ADAP1: variants seen among roughly 807,000 people sequenced by gnomAD.
ADAP1 encodes arf-GAP with dual PH domain-containing protein 1.
ADAP1 carries 31 observed loss-of-function variants against 54.9 expected under a neutral mutation model. The ratio of observed to expected loss-of-function variants is 0.56; its 90% confidence interval spans 0.42 to 0.76. The LOEUF is 0.76. ADAP1 is among the 30% of genes least tolerant of loss of function. The pLI is 0.00. For synonymous variants in ADAP1, 313 were observed against 202.6 expected (o/e 1.55, Z -4.63); for missense variants, 535 against 512.4 (o/e 1.04, Z -0.42).
intron 1 of ADAP1, among the ~76,000 whole-genome samples, chr7:943,241 A>G (rs867978872): frequency 2.1e-3 from 42 of 20,166 alleles, no homozygotes; most frequent in South Asian, 5.1e-3. Flanking sequence ...AGGAAGGGAG[A>G]GAGGAGGAGG....
At chr7:925,791 G>A (rs534133396) in intron 3 of ADAP1, among the ~76,000 whole-genome samples, 2 of 152,378 alleles carry the variant, frequency 1.3e-5, no homozygotes, top group South Asian at 4.1e-4. Context: ...CGTGCTCGGG[G>A]TATCTCTGCG....
At chr7:917,400 G>A (rs978924221) in intron 4 of ADAP1, among the ~76,000 whole-genome samples, 1 of 152,054 alleles carries the variant, frequency 6.6e-6, no homozygotes, top group Non-Finnish European at 1.5e-5. Flanking sequence ...AGCACTGGGG[G>A]TCAGGGGCTT....
In ADAP1 at chr7:925,360, TTAA is replaced by T. The variant is rs1301859692; in HGVS notation, c.305+1190_305+1192del. On this transcript the variant is annotated intron_variant, in intron 3 of 10. Transcript: ENST00000265846. Reference sequence around the variant, plus strand: ...ATGTAGGGAGACCCCGTCTCTATATTTAAAAAAAAAAAAAAAAAAAAAAGGCCC... The same window carrying T: ...ATGTAGGGAGACCCCGTCTCTATATTAAAAAAAAAAAAAAAAAAAAGGCCC... Among the ~76,000 whole-genome samples, 613 of 73,494 alleles carry T rather than the reference TTAA, an allele frequency of 8.3e-3. 4 individuals are homozygous for T. The highest frequency in any genetic ancestry group is 0.033 in the African/African-American group (567 of 16,964). 48.2% of individuals were successfully genotyped at this position (73,494 alleles called of 152,430 possible). A position where few individuals can be genotyped will look rare whatever the true frequency, so the allele number is the denominator to read the frequency against.
chr7:898,903 G>A lies in ADAP1; in HGVS notation c.*18C>T, dbSNP rs552730090. 8 of 1,591,942 alleles carry A rather than the reference G, an allele frequency of 5.0e-6. No homozygotes were observed. In the East Asian group the frequency reaches 1.4e-4, roughly 28 times the overall value. Reference sequence around the variant, plus strand: ...AGCCACAGTGAGTCCAATGTCCGTGGTCCTCCAGCCGCACTCGCTAAGGTT... The same window carrying A: ...AGCCACAGTGAGTCCAATGTCCGTGATCCTCCAGCCGCACTCGCTAAGGTT... On this transcript the variant is annotated 3_prime_UTR_variant, in exon 11 of 11. Transcript: ENST00000265846.
At position 920,126 on chromosome 7, in the gene ADAP1, C is replaced by T; in HGVS notation, c.306-76G>A. The T allele has an allele frequency of 7.3e-7, 1 of 1,374,766 alleles. No homozygotes were observed. Among genetic ancestry groups the T allele is most frequent in the East Asian group, 2.4e-5 (1 of 42,078 alleles). The allele number at this position is 1,374,766 out of a possible 1,614,324, so 85.2% of individuals were successfully genotyped here. A position where few individuals can be genotyped will look rare whatever the true frequency, so the allele number is the denominator to read the frequency against. On this transcript the variant is annotated intron_variant, in intron 3 of 10. Coordinates refer to ENST00000265846, the MANE Select transcript of ADAP1 (RefSeq NM_006869.4). This position sits in a 1 kb window ranked among gnomAD's most constrained non-coding sequence, Gnocchi z 4.5. ...AGCACACGCCGCTCTCTGGCCCGGACCCTGGACATCTCAAGAGGCTCATAG... is the reference window on the plus strand; with the variant it reads ...AGCACACGCCGCTCTCTGGCCCGGATCCTGGACATCTCAAGAGGCTCATAG...
In ADAP1 at chr7:900,581, A is replaced by C; in HGVS notation, c.684T>G (p.Ala228=). ...ATGCCACCTGCAGGTAGTGGAAGCG[A>C]GCAGCTCGGAGTGCATTGAACCAGT... ...IVDWFNALRA[A]RFHYLQVAFP... The change falls in exon 7 of 11, where the codon GCT becomes GCG. Residue 228 remains alanine, a synonymous_variant. Transcript: ENST00000265846. 1 of 1,610,896 alleles carries C rather than the reference A, an allele frequency of 6.2e-7. No individual in the cohort carries two copies. Among genetic ancestry groups the C allele is most frequent in the South Asian group, 1.1e-5 (1 of 90,808 alleles).
At chr7:909,281 G>GGACGCCGCATTC (rs1562917995) in intron 4 of ADAP1, among the ~76,000 whole-genome samples, 2 of 41,044 alleles carry the variant, frequency 4.9e-5, no homozygotes, top group Non-Finnish European at 8.1e-5. Context: ...GCAGGCGCCA[G>GGACGCCGCATTC]CGGGAACCCC....
chr7:914,193 C>T (rs1422231881), intron 4 of ADAP1, among the ~76,000 whole-genome samples: 1 of 152,220 alleles, frequency 6.6e-6, no homozygotes, highest in Non-Finnish European at 1.5e-5. Flanking sequence ...GACCTGCAGC[C>T]ACTCCTCTGT....
chr7:949,995 C>T (rs915706520), intron 1 of ADAP1, among the ~76,000 whole-genome samples: 7 of 152,266 alleles, frequency 4.6e-5, no homozygotes, highest in South Asian at 2.1e-4. Flanking sequence ...TCTGCACCCT[C>T]GTGCTCACAC....
intron 4 of ADAP1, 112 bp from the exon 5 acceptor site, chr7:905,284 A>ACAGGGGGAGACGGG (rs1491491845): frequency 6.7e-6 from 2 of 296,510 alleles, no homozygotes; most frequent in Non-Finnish European, 1.2e-5. Context: ...GGGGACACGG[A>ACAGGGGGAGACGGG]CGGGGGACAC....
chr7:938,096 G>A lies in ADAP1; in HGVS notation c.83-2591C>T, dbSNP rs966529518. 2.0e-5 allele frequency among the ~76,000 whole-genome samples: 3 copies of A among 152,216 alleles called. No individual in the cohort carries two copies. Among genetic ancestry groups the A allele is most frequent in the Non-Finnish European group, 4.4e-5 (3 of 68,046 alleles). On this transcript the variant is annotated intron_variant, in intron 1 of 10. Coordinates refer to ENST00000265846, the MANE Select transcript of ADAP1 (RefSeq NM_006869.4). The surrounding 1 kb of genome is among the most constrained non-coding windows in gnomAD (Gnocchi z 4.4). ...GTACCAGGAGTTTTGCCTGTGCTGAGTAGGGCGGCTTTTGGGAGAAAGAAT... is the reference window on the plus strand; with the variant it reads ...GTACCAGGAGTTTTGCCTGTGCTGAATAGGGCGGCTTTTGGGAGAAAGAAT...
chr7:929,506 C>A (rs1394441251), intron 2 of ADAP1, among the ~76,000 whole-genome samples: 1 of 146,290 alleles, frequency 6.8e-6, no homozygotes, highest in African/African-American at 2.5e-5. Flanking sequence ...CATAGTGACA[C>A]CCTGTCTCAA....
At chr7:939,467 C>T (rs1432222524) in intron 1 of ADAP1, among the ~76,000 whole-genome samples, 1 of 151,848 alleles carries the variant, frequency 6.6e-6, no homozygotes, top group Non-Finnish European at 1.5e-5. Flanking sequence ...ATCCGCCTGC[C>T]TCGGCCTCAC....
At chr7:899,904 C>T (rs1314010184) in intron 8 of ADAP1, among the ~76,000 whole-genome samples, 198 bp downstream of exon 8, 1 of 152,210 alleles carries the variant, frequency 6.6e-6, no homozygotes, top group Non-Finnish European at 1.5e-5. Context: ...CGTGAGCGGG[C>T]AGGGAGGGTC....
In ADAP1 at chr7:899,139, G is replaced by A. The variant is rs534908264; in HGVS notation, c.990C>T (p.Pro330=). ...HWPHGITIVT[P]DRKFLFACET... ...CGCAGGCAAACAGAAACTTGCGGTC[G>A]GGCGTGACGATGGTGATGCCATGTG... The change falls in exon 10 of 11, where the codon CCC becomes CCT. Residue 330 remains proline (P), a synonymous_variant. Coordinates refer to ENST00000265846, the MANE Select transcript of ADAP1 (RefSeq NM_006869.4). 3.7e-5 allele frequency: 59 copies of A among 1,610,488 alleles called. No homozygotes were observed. In the Middle Eastern group the frequency reaches 4.9e-4, roughly 14 times the overall value.
chr7:921,798 C>T lies in ADAP1; in HGVS notation c.306-1748G>A, dbSNP rs1881120. Among the ~76,000 whole-genome samples the T allele has an allele frequency of 5.9e-4, 90 of 152,300 alleles. 2 individuals carry two copies. The South Asian group carries it at 0.015, about 26-fold the overall frequency. ...CGGCCTCTCAGAGTCACGGGAGGAC[C>T]GAAGGCCGCATGTGTGGAAGCCGGG... On this transcript the variant is annotated intron_variant, in intron 3 of 10. Coordinates refer to ENST00000265846, the MANE Select transcript of ADAP1 (RefSeq NM_006869.4).
Position 920,389 on chromosome 7 carries a change from G to A in ADAP1, c.306-339C>T, listed in dbSNP as rs572979710. Among the ~76,000 whole-genome samples, 4 of 152,112 alleles carry A rather than the reference G, an allele frequency of 2.6e-5. No individual in the cohort carries two copies. Among genetic ancestry groups the A allele is most frequent in the East Asian group, 3.9e-4 (2 of 5,156 alleles). ...ATGCCCCACAGGGCTGGGGTACAGGGGTTGAGCCAGGCCCCCCCACCCCGA... is the reference window on the plus strand; with the variant it reads ...ATGCCCCACAGGGCTGGGGTACAGGAGTTGAGCCAGGCCCCCCCACCCCGA... On this transcript the variant is annotated intron_variant, in intron 3 of 10. Transcript: ENST00000265846. The surrounding 1 kb of genome is among the most constrained non-coding windows in gnomAD (Gnocchi z 4.5).
intron 4 of ADAP1, among the ~76,000 whole-genome samples, chr7:913,198 C>CTTTTTTT (rs10698107): frequency 1.9e-5 from 2 of 104,202 alleles, no homozygotes; most frequent in African/African-American, 3.7e-5. Flanking sequence ...CCTCCCCTTC[C>CTTTTTTT]TTTTTTTTTT....
intron 2 of ADAP1, among the ~76,000 whole-genome samples, chr7:931,485 C>T (rs1355797605): frequency 2.0e-5 from 3 of 152,114 alleles, no homozygotes; most frequent in African/African-American, 4.8e-5. Context: ...CCGAAGCTCA[C>T]ACGCCGTGCG....
Sources: allele counts gnomAD v4.1 joint callset (sites outside exome capture counted in the v4.1 genomes callset), GRCh38; gene constraint gnomAD v4.1.1; non-coding constraint Gnocchi (gnomAD v3.1); transcripts MANE v1.5; gene names NCBI Gene and HGNC (gene_info 2026-07-23, HGNC 2026-07-21).